CELF2: variants seen among roughly 807,000 people sequenced by gnomAD.
The protein encoded by CELF2 is CUG triplet repeat RNA-binding protein 2.
Under a neutral mutation model 62.6 loss-of-function variants are expected in CELF2, and 8 were observed. That is an observed-to-expected ratio of 0.13 (90% CI 0.07 to 0.23). The LOEUF is 0.23. CELF2 is among the 10% of genes least tolerant of loss of function. The pLI, the probability that CELF2 is intolerant of heterozygous loss-of-function variation, is 1.00. For missense variants in CELF2, 333 were observed against 671.0 expected (o/e 0.50, Z 5.56); for synonymous variants, 258 against 250.0 (o/e 1.03, Z -0.30).
chr10:10,613,444 CG>C, the CELF2 span, among the ~76,000 whole-genome samples: 3 of 152,222 alleles, frequency 2.0e-5, no homozygotes, highest in South Asian at 4.1e-4. Flanking sequence ...CATTGGCATG[CG>C]GAATCAATGT....
chr10:10,748,905 C>T, the CELF2 span, among the ~76,000 whole-genome samples: 2 of 152,034 alleles, frequency 1.3e-5, no homozygotes, highest in Non-Finnish European at 2.9e-5. Flanking sequence ...GAAGCAGAGT[C>T]TGTAAAGGAA....
the CELF2 span, among the ~76,000 whole-genome samples, chr10:10,766,534 G>T: frequency 6.6e-6 from 1 of 152,186 alleles, no homozygotes; most frequent in African/African-American, 2.4e-5. Flanking sequence ...GTGTCTGAGT[G>T]GACCCTGGGG....
rs145428451 is a variant in CELF2 at position 11,240,896 on chromosome 10, C to T, written c.355-8257C>T. Reference sequence around the variant, plus strand: ...CTGTGTGGATGCACATGACAGGCGGCGTGGGGTAGAGGCCTCAGGCTTGTG... The same window carrying T: ...CTGTGTGGATGCACATGACAGGCGGTGTGGGGTAGAGGCCTCAGGCTTGTG... On this transcript the variant is annotated intron_variant, in intron 3 of 12. Transcript: ENST00000633077. 2.9e-3 allele frequency among the ~76,000 whole-genome samples: 447 copies of T among 152,270 alleles called. 4 individuals carry two copies. The highest frequency in any genetic ancestry group is 0.021 in the East Asian group (107 of 5,184).
intron 1 of CELF2, among the ~76,000 whole-genome samples, chr10:11,097,593 G>A (rs996354598): frequency 6.6e-6 from 1 of 152,142 alleles, no homozygotes; most frequent in Admixed American, 6.5e-5. Context: ...TTCAATAGTG[G>A]GTAGCTTGGC....
intron 8 of CELF2, among the ~76,000 whole-genome samples, chr10:11,276,906 A>AG (rs2086348170): frequency 6.6e-6 from 1 of 152,244 alleles, no homozygotes; most frequent in South Asian, 2.1e-4. Flanking sequence ...CAAGGTGCCG[A>AG]GGAGCAGATG....
the CELF2 span, among the ~76,000 whole-genome samples, chr10:10,778,708 TA>T: frequency 3.3e-5 from 5 of 152,288 alleles, no homozygotes; most frequent in South Asian, 1.0e-3. Context: ...TAAATATATG[TA>T]AAAAATGAAT....
chr10:10,497,704 G>A, the CELF2 span, among the ~76,000 whole-genome samples: 17 of 152,132 alleles, frequency 1.1e-4, no homozygotes, highest in African/African-American at 3.6e-4. Flanking sequence ...GGTCTGCTGG[G>A]CATGTTCCAC....
intron 2 of CELF2, among the ~76,000 whole-genome samples, chr10:10,977,127 C>T (rs1036944792): frequency 6.6e-6 from 1 of 152,090 alleles, no homozygotes; most frequent in Non-Finnish European, 1.5e-5. Flanking sequence ...AAAAAAACTG[C>T]CAGTAGCCAC....
chr10:10,701,766 C>A, the CELF2 span, among the ~76,000 whole-genome samples: 1 of 152,198 alleles, frequency 6.6e-6, no homozygotes, highest in East Asian at 1.9e-4. Context: ...GGGAGAACCA[C>A]GTCCCATTTT....
Position 11,266,587 on chromosome 10 carries a change from G to A in CELF2, c.539-11G>A. On this transcript the variant is annotated splice_polypyrimidine_tract_variant and intron_variant, in intron 5 of 12. Coordinates refer to ENST00000633077, the MANE Select transcript of CELF2 (RefSeq NM_001326342.2). The stretch of plus-strand genomic sequence containing the variant: ...TGTCTTTCCTGCTCCCTGTCCCCTT[G>A]TTTCCCACAGGCTGTGCGTTTGTCA... The A allele has an allele frequency of 6.2e-7, 1 of 1,612,852 alleles. No individual in the cohort carries two copies. The highest frequency in any genetic ancestry group is 8.5e-7 in the Non-Finnish European group (1 of 1,179,096).
chr10:10,889,653 A>G (rs1049818831), intron 1 of CELF2, among the ~76,000 whole-genome samples: 4 of 152,222 alleles, frequency 2.6e-5, no homozygotes, highest in African/African-American at 9.6e-5. Context: ...AAATGTGCAG[A>G]TCTAGCTAGC....
At chr10:10,650,206 A>G in the CELF2 span, among the ~76,000 whole-genome samples, 11 of 152,222 alleles carry the variant, frequency 7.2e-5, no homozygotes, top group South Asian at 2.1e-4. Context: ...AAAGAAAAAT[A>G]AAACAAATAA....
At chr10:10,652,721 A>C in the CELF2 span, among the ~76,000 whole-genome samples, 1 of 152,142 alleles carries the variant, frequency 6.6e-6, no homozygotes, top group Non-Finnish European at 1.5e-5. Context: ...TCCTGAAGGA[A>C]GTGCTAAACA....
At chr10:11,141,921 A>G (rs1336666585) in intron 1 of CELF2, among the ~76,000 whole-genome samples, 1 of 152,240 alleles carries the variant, frequency 6.6e-6, no homozygotes, top group Admixed American at 6.5e-5. Flanking sequence ...CTGACATATT[A>G]TTAATGAGAG....
rs192111229 is a variant in CELF2 at position 11,328,324 on chromosome 10, A to G, written c.1439-602A>G. Among the ~76,000 whole-genome samples the G allele has an allele frequency of 2.3e-4, 35 of 152,330 alleles. No homozygotes were observed. Among genetic ancestry groups the G allele is most frequent in the African/African-American group, 7.7e-4 (32 of 41,562 alleles). On this transcript the variant is annotated intron_variant, in intron 12 of 12. Coordinates refer to ENST00000633077, the MANE Select transcript of CELF2 (RefSeq NM_001326342.2). The surrounding 1 kb of genome is among the most constrained non-coding windows in gnomAD (Gnocchi z 6.4). ...AACTCCAAATGGGTAAAAATCAAGT[A>G]TGAGTGAGTTATTCTAGAGTTTATT...
Position 11,319,486 on chromosome 10 carries a change from T to G in CELF2, c.1097-1703T>G, listed in dbSNP as rs1280907367. On this transcript the variant is annotated intron_variant, in intron 10 of 12. Transcript: ENST00000633077. This position sits in a 1 kb window ranked among gnomAD's most constrained non-coding sequence, Gnocchi z 4.4. ...GGATCATTTAGGGTAATTAGGACAG[T>G]CTGCATCCAAGCTCTTTGGACAGCA... Among the ~76,000 whole-genome samples the G allele has an allele frequency of 6.6e-6, 1 of 152,086 alleles. No individual in the cohort carries two copies. Among genetic ancestry groups the G allele is most frequent in the Admixed American group, 6.5e-5 (1 of 15,274 alleles).
At chr10:11,088,605 A>G (rs1438459953) in intron 1 of CELF2, among the ~76,000 whole-genome samples, 1 of 152,190 alleles carries the variant, frequency 6.6e-6, no homozygotes, top group African/African-American at 2.4e-5. Context: ...GTGTGAATGG[A>G]TGTGCAGAAA....
At chr10:11,088,082 G>A (rs115071020) in intron 1 of CELF2, among the ~76,000 whole-genome samples, 3 of 152,302 alleles carry the variant, frequency 2.0e-5, no homozygotes, top group African/African-American at 7.2e-5. Context: ...TTTAATGAAC[G>A]TTGTGCTTCA....
intron 2 of CELF2, among the ~76,000 whole-genome samples, chr10:11,185,712 C>G (rs551543300): frequency 5.9e-5 from 9 of 152,312 alleles, no homozygotes; most frequent in African/African-American, 2.2e-4. Flanking sequence ...CCATGCCTGG[C>G]TGGTCATAAT....
Sources: gnomAD v4.1 joint callset for allele counts (sites outside exome capture counted in the v4.1 genomes callset) on GRCh38, gnomAD v4.1.1 for gene constraint, Gnocchi (gnomAD v3.1) non-coding constraint, MANE v1.5 for transcripts, NCBI Gene and HGNC (gene_info 2026-07-23, HGNC 2026-07-21) for gene names.